GPR37: variants seen among roughly 807,000 people sequenced by gnomAD.
GPR37 encodes prosaposin receptor GPR37.
Under a neutral mutation model 43.6 loss-of-function variants are expected in GPR37, and 20 were observed. That is an observed-to-expected ratio of 0.46 (90% CI 0.32 to 0.67). The LOEUF is 0.67. GPR37 is among the 30% of genes least tolerant of loss of function. GPR37 has a pLI of 0.03. For missense variants in GPR37, 724 were observed against 797.2 expected, an observed-to-expected ratio of 0.91 and a Z score of 1.11; for synonymous variants, 315 against 322.6, an observed-to-expected ratio of 0.98 and a Z score of 0.25.
intron 1 of GPR37, among the ~76,000 whole-genome samples, chr7:124,754,947 C>T (rs1030411290): frequency 6.6e-6 from 1 of 152,018 alleles, no homozygotes; most frequent in African/African-American, 2.4e-5. Context: ...TTTTTGAGCA[C>T]AAGTGGGGGA....
intron 1 of GPR37, among the ~76,000 whole-genome samples, chr7:124,762,009 G>A (rs971292848): frequency 6.6e-6 from 1 of 151,890 alleles, no homozygotes; most frequent in East Asian, 1.9e-4. Context: ...TACTAGGATG[G>A]GGAAAAGTTA....
chr7:124,750,085 C>T (rs1443803688), intron 1 of GPR37, among the ~76,000 whole-genome samples: 2 of 152,152 alleles, frequency 1.3e-5, no homozygotes, highest in South Asian at 4.2e-4. Flanking sequence ...CCAGTAATTG[C>T]CACTTAATAA....
chr7:124,757,981 G>A (rs1793809873), intron 1 of GPR37, among the ~76,000 whole-genome samples: 1 of 152,150 alleles, frequency 6.6e-6, no homozygotes, highest in South Asian at 2.1e-4. Flanking sequence ...GTTATTGGGT[G>A]CTGCTGTTTT....
Position 124,764,112 on chromosome 7 carries a change from T to G in GPR37, c.865A>C (p.Asn289His). Reference sequence around the variant, plus strand: ...TTGGAGATGCTCCGCATGTAGTAGTTGTGGCACACGATGCACATCACCGCC... The same window carrying G: ...TTGGAGATGCTCCGCATGTAGTAGTGGTGGCACACGATGCACATCACCGCC... ...NLAVMCIVCH[N>H]YYMRSISNSL... is the part of the protein sequence containing the mutation. The change falls in exon 1 of 2, where the codon AAC becomes CAC. Residue 289 changes from asparagine to histidine, a missense_variant. This residue lies in a region of GPR37 where 342 missense variants were observed against 441.8 expected (regional missense o/e 0.77). Coordinates refer to ENST00000303921, the MANE Select transcript of GPR37 (RefSeq NM_005302.5). The surrounding 1 kb of genome is among the most constrained non-coding windows in gnomAD (Gnocchi z 5.4). The G allele has an allele frequency of 6.2e-7, 1 of 1,613,458 alleles. No homozygotes were observed. Among genetic ancestry groups the G allele is most frequent in the Non-Finnish European group, 8.5e-7 (1 of 1,179,652 alleles).
At chr7:124,757,848 G>T (rs1290639139) in intron 1 of GPR37, among the ~76,000 whole-genome samples, 1 of 151,918 alleles carries the variant, frequency 6.6e-6, no homozygotes, top group African/African-American at 2.4e-5. Context: ...ATAGTACCTC[G>T]CATAGAAGAA....
rs116706959 is a variant in GPR37 at position 124,764,155 on chromosome 7, G to A, written c.822C>T (p.Thr274=). Reference sequence around the variant, plus strand: ...TCACCGCCAGGTTGCCAATGATGCCGGTCCCGAAGATCACCACGGACAGAC... The same window carrying A: ...TCACCGCCAGGTTGCCAATGATGCCAGTCCCGAAGATCACCACGGACAGAC... ...VMCLSVVIFG[T]GIIGNLAVMC... Residue 274 remains threonine (T), a synonymous_variant, in exon 1 of 2, where the codon ACC becomes ACT. Transcript: ENST00000303921. This position sits in a 1 kb window ranked among gnomAD's most constrained non-coding sequence, Gnocchi z 5.4. 2.8e-4 allele frequency: 454 copies of A among 1,603,926 alleles called. 2 individuals carry two copies. In the African/African-American group the frequency reaches 5.4e-3, roughly 19 times the overall value.
rs1436222352 is a variant in GPR37, at chr7:124,744,732, C to T, written c.*1793G>A. The stretch of plus-strand genomic sequence containing the variant: ...TTTATTCCTTCCCATCCATGTCATC[C>T]CTGCCTGATTCTGTAAGGTCTGAGG... On this transcript the variant is annotated 3_prime_UTR_variant, in exon 2 of 2. Coordinates refer to ENST00000303921, the MANE Select transcript of GPR37 (RefSeq NM_005302.5). 1 of 152,206 alleles carries T rather than the reference C, an allele frequency of 6.6e-6. No homozygotes were observed. The highest frequency in any genetic ancestry group is 1.9e-4 in the East Asian group (1 of 5,194). 9.4% of individuals were successfully genotyped at this position (152,206 alleles called of 1,614,324 possible).
Position 124,746,448 on chromosome 7 carries a change from A to C in GPR37, c.*77T>G, listed in dbSNP as rs1793671030. ...TTTCTTTTTTGCATTTTTCCCTATA[A>C]GGAAAAATATGAATTAAAAACTTTC... is the stretch of plus-strand genomic sequence containing the variant. On this transcript the variant is annotated 3_prime_UTR_variant, in exon 2 of 2. Transcript: ENST00000303921. 1 of 1,088,958 alleles carries C rather than the reference A, an allele frequency of 9.2e-7. No homozygotes were observed. Among genetic ancestry groups the C allele is most frequent in the Admixed American group, 2.6e-5 (1 of 38,256 alleles). 67.5% of individuals were successfully genotyped at this position (1,088,958 alleles called of 1,614,324 possible).
intron 1 of GPR37, among the ~76,000 whole-genome samples, chr7:124,757,770 C>T (rs958456855): frequency 1.3e-5 from 2 of 150,732 alleles, no homozygotes; most frequent in African/African-American, 4.9e-5. Flanking sequence ...GGCAGTGGCT[C>T]ATCTATGATA....
chr7:124,756,523 G>A (rs545901781), intron 1 of GPR37, among the ~76,000 whole-genome samples: 2 of 152,312 alleles, frequency 1.3e-5, no homozygotes, highest in East Asian at 1.9e-4. Context: ...CATATTTGAC[G>A]TTGCAGTAAT....
chr7:124,765,048 T>G lies in GPR37; in HGVS notation c.-72A>C. 1 of 1,365,852 alleles carries G rather than the reference T, an allele frequency of 7.3e-7. No individual in the cohort carries two copies. Among genetic ancestry groups the G allele is most frequent in the African/African-American group, 1.5e-5 (1 of 67,576 alleles). The allele number at this position is 1,365,852 out of a possible 1,614,324, so 84.6% of individuals were successfully genotyped here. Reference sequence around the variant, plus strand: ...GATCGACACCTGCTGCCGAAGTTGCTGCTGAGAGTTAGGCACATGTCACAT... The same window carrying G: ...GATCGACACCTGCTGCCGAAGTTGCGGCTGAGAGTTAGGCACATGTCACAT... On this transcript the variant is annotated 5_prime_UTR_variant, in exon 1 of 2. Coordinates refer to ENST00000303921, the MANE Select transcript of GPR37 (RefSeq NM_005302.5).
intron 1 of GPR37, among the ~76,000 whole-genome samples, chr7:124,756,133 T>A (rs180847029): frequency 1.3e-5 from 2 of 152,212 alleles, no homozygotes; most frequent in Non-Finnish European, 2.9e-5. Flanking sequence ...TTGATGCGAA[T>A]TGGCTTATCA....
At chr7:124,750,768 G>A (rs1416906713) in intron 1 of GPR37, among the ~76,000 whole-genome samples, 3 of 152,088 alleles carry the variant, frequency 2.0e-5, no homozygotes, top group Non-Finnish European at 2.9e-5. Context: ...CTGCACATCC[G>A]CTCTTAATTA....
intron 1 of GPR37, among the ~76,000 whole-genome samples, chr7:124,756,309 G>C (rs1205010890): frequency 1.3e-5 from 2 of 152,072 alleles, no homozygotes; most frequent in African/African-American, 2.4e-5. Flanking sequence ...TTCTAGGCAG[G>C]GATCAAATCA....
chr7:124,758,161 T>C (rs1285021889), intron 1 of GPR37, among the ~76,000 whole-genome samples: 1 of 152,230 alleles, frequency 6.6e-6, no homozygotes, highest in African/African-American at 2.4e-5. Context: ...TATAAAACTT[T>C]TCTTTCTTGT....
chr7:124,762,148 C>T (rs1291073854), intron 1 of GPR37, among the ~76,000 whole-genome samples: 1 of 152,058 alleles, frequency 6.6e-6, no homozygotes, highest in Non-Finnish European at 1.5e-5. Context: ...TGTACAAACT[C>T]AGAATTACGG....
intron 1 of GPR37, among the ~76,000 whole-genome samples, chr7:124,757,152 C>T (rs1173460157): frequency 6.6e-6 from 1 of 152,092 alleles, no homozygotes; most frequent in East Asian, 1.9e-4. Context: ...TAAAGTATCG[C>T]CCTTGTCCAT....
intron 1 of GPR37, 95 bp from the exon 2 acceptor site, chr7:124,747,438 AT>A (rs993565581): frequency 9.7e-6 from 7 of 724,790 alleles, no homozygotes; most frequent in African/African-American, 8.8e-5. Flanking sequence ...GTAAAAAAAA[AT>A]ATGGATAAAT....
intron 1 of GPR37, among the ~76,000 whole-genome samples, chr7:124,751,290 C>A (rs1312358499): frequency 6.6e-6 from 1 of 152,088 alleles, no homozygotes; most frequent in African/African-American, 2.4e-5. Context: ...TAGACATCTA[C>A]TCTCTCCTGC....
Sources: allele counts gnomAD v4.1 joint callset (sites outside exome capture counted in the v4.1 genomes callset), GRCh38; gene constraint gnomAD v4.1.1; regional missense constraint gnomAD v4.1.1; non-coding constraint Gnocchi (gnomAD v3.1); transcripts MANE v1.5; gene names NCBI Gene and HGNC (gene_info 2026-07-23, HGNC 2026-07-21).